Variants in PSG1 observed in about 807,000 individuals in gnomAD.
PSG1 encodes the protein pregnancy-specific beta-1-glycoprotein 1.
In PSG1, 60 loss-of-function variants were observed where a neutral mutation model predicts 41.4. That is an observed-to-expected ratio of 1.45 (90% CI 1.18 to 1.80). The LOEUF (loss-of-function observed/expected upper bound fraction) is 1.80, where lower values mean the gene tolerates loss of function less well. Ranked by LOEUF, PSG1 falls within the 40% of genes most tolerant of loss-of-function variation. The probability of loss-of-function intolerance (pLI) is 0.00; values close to 1 mark genes in which losing one functional copy is unlikely to be tolerated. For missense variants in PSG1, 806 were observed against 516.9 expected (o/e 1.56, Z -5.42); for synonymous variants, 256 against 192.9 (o/e 1.33, Z -2.71).
chr19:42,877,679 A>G (rs1395740902), intron 2 of PSG1, among the ~76,000 whole-genome samples: 1 of 151,704 alleles, frequency 6.6e-6, no homozygotes, highest in Non-Finnish European at 1.5e-5. Flanking sequence ...GAGTCCCCCC[A>G]TCAGACTGTC....
Position 42,867,543 on chromosome 19 carries a change from G to A in PSG1, c.1244-393C>T, listed in dbSNP as rs1343707262. On this transcript the variant is annotated intron_variant, in intron 5 of 5. Coordinates refer to ENST00000436291, the MANE Select transcript of PSG1 (RefSeq NM_001184825.2). Reference sequence around the variant, plus strand: ...TTTTTAATATAACATCCGAATCAAAGCATTGGTAATATAACCAATGATTTC... The same window carrying A: ...TTTTTAATATAACATCCGAATCAAAACATTGGTAATATAACCAATGATTTC... 10 of 624,984 alleles carry A rather than the reference G, an allele frequency of 1.6e-5. 1 individual carries two copies. The highest frequency in any genetic ancestry group is 3.3e-5 in the Admixed American group (1 of 30,274). 38.7% of individuals were successfully genotyped at this position (624,984 alleles called of 1,614,324 possible). A position where few individuals can be genotyped will look rare whatever the true frequency, so the allele number is the denominator to read the frequency against.
In PSG1 at chr19:42,878,039, A is replaced by T; in HGVS notation, c.304T>A (p.Tyr102Asn). The change falls in exon 2 of 6, where the codon TAT (tyrosine) becomes AAT (asparagine). Residue 102 changes from tyrosine to asparagine, a missense_variant. Tyr to Asn is a moderately radical substitution (Grantham distance 143, BLOSUM62 -2). Coordinates refer to ENST00000436291, the MANE Select transcript of PSG1 (RefSeq NM_001184825.2). ...TGGATCAGCAGGGATGCATTGGAAT[A>T]TGCTGTTTCTCGTCCACTATATGCA... is the stretch of plus-strand genomic sequence containing the variant. ...GPAYSGRETAYSNASLLIQNV... is the reference protein window; with the variant it reads ...GPAYSGRETANSNASLLIQNV... 1 of 1,612,422 alleles carries T rather than the reference A, an allele frequency of 6.2e-7. No individual in the cohort carries two copies.
At chr19:42,872,574 C>T (rs1971439923) in intron 2 of PSG1, among the ~76,000 whole-genome samples, 2 of 151,564 alleles carry the variant, frequency 1.3e-5, no homozygotes, top group Non-Finnish European at 2.9e-5. Flanking sequence ...CAGGGGAGAC[C>T]AGAGTCAAGC....
chr19:42,879,078 G>C (rs976624869), intron 1 of PSG1, among the ~76,000 whole-genome samples: 3 of 151,268 alleles, frequency 2.0e-5, no homozygotes, highest in African/African-American at 4.9e-5. Flanking sequence ...CGACTTTCCT[G>C]TTTTGACCCC....
rs1971159193 is a variant in PSG1, at chr19:42,866,977, T to A, written c.*157A>T. On this transcript the variant is annotated 3_prime_UTR_variant, in exon 6 of 6. Transcript: ENST00000436291. Reference sequence around the variant, plus strand: ...TCTGTTGTTATGGTGTCGAATATTTTGGTGAGTTCTGAGTGGCTCATGCTT... The same window carrying A: ...TCTGTTGTTATGGTGTCGAATATTTAGGTGAGTTCTGAGTGGCTCATGCTT... The A allele has an allele frequency of 1.3e-5, 10 of 761,200 alleles. 3 individuals carry two copies. The South Asian group carries it at 1.4e-4, about 10-fold the overall frequency. 47.2% of individuals were successfully genotyped at this position (761,200 alleles called of 1,614,324 possible).
In PSG1 at chr19:42,877,949, T is replaced by C. The variant is rs532825150; in HGVS notation, c.394A>G (p.Arg132Gly). The change falls in exon 2 of 6, where the codon AGA becomes GGA. Residue 132 changes from arginine to glycine, a missense_variant. Transcript: ENST00000436291. ...LHIIKGDDGT[R>G]GVTGRFTFTL... ...AAGGTGAAACGTCCAGTTACTCCTCTAGTCCCATCATCTCCCTTTATGATG... is the reference window on the plus strand; with the variant it reads ...AAGGTGAAACGTCCAGTTACTCCTCCAGTCCCATCATCTCCCTTTATGATG... 8 of 1,612,414 alleles carry C rather than the reference T, an allele frequency of 5.0e-6. No individual in the cohort carries two copies. The highest frequency in any genetic ancestry group is 6.8e-6 in the Non-Finnish European group (8 of 1,179,122).
chr19:42,877,845 A>T, intron 2 of PSG1, 68 bp downstream of exon 2: 1 of 1,609,914 alleles, frequency 6.2e-7, no homozygotes, highest in South Asian at 1.1e-5. Flanking sequence ...AGGCCTGACA[A>T]TCCTGTGTGT....
intron 5 of PSG1, 102 bp from the exon 6 acceptor site, chr19:42,867,252 GC>G (rs1971170941): frequency 1.4e-6 from 1 of 737,916 alleles, no homozygotes; most frequent in African/African-American, 1.7e-5. Context: ...CCCTCTATGG[GC>G]ATCTCTACTT....
chr19:42,871,012 T>A (rs1971359779), intron 3 of PSG1, among the ~76,000 whole-genome samples: 1 of 151,558 alleles, frequency 6.6e-6, no homozygotes, highest in Non-Finnish European at 1.5e-5. Flanking sequence ...GTTTTTGATT[T>A]TCCCTCTCCC....
chr19:42,872,970 CT>C (rs1383748907), intron 2 of PSG1, among the ~76,000 whole-genome samples: 28 of 151,700 alleles, frequency 1.8e-4, no homozygotes, highest in Admixed American at 1.8e-3. Flanking sequence ...CTTGCAGATA[CT>C]TTCTCTCATT....
chr19:42,878,876 G>C (rs959597950), intron 1 of PSG1, among the ~76,000 whole-genome samples: 6 of 151,476 alleles, frequency 4.0e-5, no homozygotes, highest in Non-Finnish European at 7.4e-5. Flanking sequence ...CCATGCCCTG[G>C]GTGTTTTTTT....
Position 42,872,167 on chromosome 19 carries a change from C to A in PSG1, c.431-122G>T. 15 of 1,388,380 alleles carry A rather than the reference C, an allele frequency of 1.1e-5. No homozygotes were observed. The South Asian group carries it at 2.1e-4, about 20-fold the overall frequency. 86.0% of individuals were successfully genotyped at this position (1,388,380 alleles called of 1,614,324 possible). On this transcript the variant is annotated intron_variant, in intron 2 of 5. Transcript: ENST00000436291. ...CACCCAAGTCCTTAAAAGCCCATGG[C>A]AGGTGTGTGTGATACAAGACAGATG...
intron 3 of PSG1, 81 bp from the exon 4 acceptor site, chr19:42,869,115 CT>C: frequency 1.9e-6 from 3 of 1,572,980 alleles, no homozygotes; most frequent in South Asian, 2.4e-5. Flanking sequence ...GAGTTGGCAT[CT>C]CCCACCTCTC....
chr19:42,867,255 T>A (rs1033276881), intron 5 of PSG1, 105 bp from the exon 6 acceptor site: 2 of 732,044 alleles, frequency 2.7e-6, no homozygotes, highest in African/African-American at 3.5e-5. Flanking sequence ...TCTATGGGCA[T>A]CTCTACTTTT....
At chr19:42,869,103 C>G in intron 3 of PSG1, 69 bp from the exon 4 acceptor site, 1 of 1,584,560 alleles carries the variant, frequency 6.3e-7, no homozygotes, top group South Asian at 1.2e-5. Flanking sequence ...ATCCTTCAAT[C>G]AGAGTTGGCA....
chr19:42,869,270 T>G, intron 3 of PSG1: 1 of 922,694 alleles, frequency 1.1e-6, no homozygotes, highest in East Asian at 2.8e-5. Context: ...TGAGCAGCAG[T>G]GTTGGGTCAT....
Position 42,866,749 on chromosome 19 carries a change from ACT to A in PSG1, c.*383_*384del, listed in dbSNP as rs1277697093. 25 of 479,894 alleles carry A rather than the reference ACT, an allele frequency of 5.2e-5. 1 individual carries two copies. The highest frequency in any genetic ancestry group is 3.8e-4 in the Admixed American group (11 of 29,276). 29.7% of individuals were successfully genotyped at this position (479,894 alleles called of 1,614,324 possible). A position where few individuals can be genotyped will look rare whatever the true frequency, so the allele number is the denominator to read the frequency against. On this transcript the variant is annotated 3_prime_UTR_variant, in exon 6 of 6. Transcript: ENST00000436291. ...TTGAGGTTGAGATGACATATCTGAC[ACT>A]CTGTTGTTACTCTCAGAAGCTACTA...
At chr19:42,872,558 AT>A (rs1167332579) in intron 2 of PSG1, among the ~76,000 whole-genome samples, 1 of 151,664 alleles carries the variant, frequency 6.6e-6, no homozygotes, top group Admixed American at 6.6e-5. Flanking sequence ...GTATTCTAGC[AT>A]AAAACAGGGG....
At chr19:42,873,912 A>G (rs1478923643) in intron 2 of PSG1, among the ~76,000 whole-genome samples, 1 of 151,618 alleles carries the variant, frequency 6.6e-6, no homozygotes, top group East Asian at 1.9e-4. Context: ...ACACCACTAG[A>G]GTTTAAGTTT....
Sources: gnomAD v4.1 joint callset for allele counts (sites outside exome capture counted in the v4.1 genomes callset) on GRCh38, gnomAD v4.1.1 for gene constraint, MANE v1.5 for transcripts, NCBI Gene and HGNC (gene_info 2026-07-23, HGNC 2026-07-21) for gene names.